MADD: variants seen among roughly 807,000 people sequenced by gnomAD.
The protein encoded by MADD is MAP kinase-activating death domain protein.
A neutral mutation model predicts 176.7 loss-of-function variants in MADD; 109 were observed. The ratio of observed to expected loss-of-function variants is 0.62; its 90% CI spans 0.53 to 0.72. The LOEUF (loss-of-function observed/expected upper bound fraction) is 0.72. Ranked by LOEUF, MADD falls within the 30% of genes least tolerant of loss-of-function variation. The pLI is 0.00. For synonymous variants in MADD, 771 were observed against 771.3 expected (o/e 1.00, Z 0.01); for missense variants, 1,914 against 2,045.5 (o/e 0.94, Z 1.24).
intron 22 of MADD, among the ~76,000 whole-genome samples, chr11:47,300,486 G>A (rs893989572): frequency 4.7e-5 from 7 of 149,308 alleles, no homozygotes; most frequent in Admixed American, 2.7e-4. Flanking sequence ...GATTACAGGC[G>A]TGAGCCACTG....
At chr11:47,315,832 CTTT>C (rs138135047) in intron 27 of MADD, among the ~76,000 whole-genome samples, 36,583 of 128,390 alleles carry the variant, frequency 0.28, 5,373 homozygotes, top group East Asian at 0.59. Context: ...ATACCCATTT[CTTT>C]TTTTTTTTTT....
At chr11:47,308,106 G>T (rs900194733) in intron 22 of MADD, among the ~76,000 whole-genome samples, 5 of 152,232 alleles carry the variant, frequency 3.3e-5, no homozygotes, top group African/African-American at 1.2e-4. Flanking sequence ...GCACTGTTAG[G>T]TGCCTTATAT....
chr11:47,304,799 T>G (rs935990540), intron 22 of MADD, among the ~76,000 whole-genome samples: 1 of 152,242 alleles, frequency 6.6e-6, no homozygotes, highest in African/African-American at 2.4e-5. Context: ...TGGAGTCATA[T>G]GTCCTTGTTT....
chr11:47,321,339 T>G (rs2094442100), intron 27 of MADD, among the ~76,000 whole-genome samples: 1 of 152,256 alleles, frequency 6.6e-6, no homozygotes, highest in Non-Finnish European at 1.5e-5. Context: ...CCACTTTGAC[T>G]GATTCTTCAA....
chr11:47,324,882 T>A, intron 30 of MADD: 3 of 606,738 alleles, frequency 4.9e-6, no homozygotes, highest in South Asian at 3.9e-5. Context: ...CACTTGGCCC[T>A]TCCCCTGCAG....
chr11:47,273,650 C>T (rs370761693), intron 1 of MADD, among the ~76,000 whole-genome samples, 177 bp from the exon 2 acceptor site: 1 of 152,150 alleles, frequency 6.6e-6, no homozygotes, highest in African/African-American at 2.4e-5. Context: ...TATTTTTTAA[C>T]ATTCGATTCT....
At chr11:47,288,687 C>T (rs1231168829) in intron 15 of MADD, among the ~76,000 whole-genome samples, 1 of 152,164 alleles carries the variant, frequency 6.6e-6, no homozygotes, top group East Asian at 1.9e-4. Flanking sequence ...TGAAAACCAG[C>T]GGTCCCTGTT....
rs1296236775 is a variant in MADD at position 47,325,066 on chromosome 11, GT to G, written c.4542+492del. The G allele has an allele frequency of 7.2e-5, 25 of 347,104 alleles. No homozygotes were observed. In the East Asian group the frequency reaches 1.3e-3, roughly 18 times the overall value. The allele number at this position is 347,104 out of a possible 1,614,324, so 21.5% of individuals were successfully genotyped here. A position where few individuals can be genotyped will look rare whatever the true frequency, so the allele number is the denominator to read the frequency against. On this transcript the variant is annotated intron_variant, in intron 30 of 32. Coordinates refer to ENST00000402192, the Ensembl canonical transcript of MADD. The surrounding 1 kb of genome is among the most constrained non-coding windows in gnomAD (Gnocchi z 4.5). Reference sequence around the variant, plus strand: ...CTTGTATCTGTCCTCTCTGGAGTGTGTTTATTTGCCTTTTTCTTCTGCGGAT... The same window carrying G: ...CTTGTATCTGTCCTCTCTGGAGTGTGTTATTTGCCTTTTTCTTCTGCGGAT...
chr11:47,286,418 C>T lies in MADD; in HGVS notation c.2552-15C>T, dbSNP rs1391807987. The T allele has an allele frequency of 6.3e-7, 1 of 1,585,472 alleles. No individual in the cohort carries two copies. The highest frequency in any genetic ancestry group is 1.3e-5 in the African/African-American group (1 of 74,460). ...ACTCTGCCAAGTCATCGCTCTTGCA[C>T]CCTCCCCTTGATAGGCAGCCTCTAT... On this transcript the variant is annotated splice_polypyrimidine_tract_variant and intron_variant, in intron 14 of 32. Coordinates refer to ENST00000402192, the Ensembl canonical transcript of MADD.
chr11:47,328,800 G>C, intron 32 of MADD, 96 bp downstream of exon 36: 1 of 1,506,370 alleles, frequency 6.6e-7, no homozygotes, highest in Non-Finnish European at 9.1e-7. Context: ...AGCGCACAGG[G>C]GTGAGTGGGG....
intron 27 of MADD, among the ~76,000 whole-genome samples, chr11:47,317,036 G>A (rs1198209258): frequency 2.0e-5 from 3 of 152,132 alleles, no homozygotes; most frequent in Non-Finnish European, 2.9e-5. Context: ...GAGCCACCCC[G>A]CCTGGCCTAT....
chr11:47,296,002 G>A lies in MADD; in HGVS notation c.3589G>A (p.Gly1197Ser). ...CAGTGTTCACCTGGCAAGCTCTCGG[G>A]GCACTTTGTCTGATAGTGAAATTGA... The change falls in exon 22 of 33, where the codon GGC becomes AGC. Residue 1197 changes from glycine (G) to serine (S), a missense_variant. Gly to Ser is a moderately conservative substitution (Grantham distance 56). This residue lies in a region of MADD where 1,767 missense variants were observed against 1,836.0 expected (regional missense o/e 0.96). Transcript: ENST00000402192. 1.2e-6 allele frequency: 2 copies of A among 1,614,096 alleles called. No homozygotes were observed. The highest frequency in any genetic ancestry group is 4.5e-5 in the East Asian group (2 of 44,876).
At chr11:47,269,845 T>A (rs1413835018), upstream of MADD, 1 of 152,124 alleles carries the variant, frequency 6.6e-6, no homozygotes, top group Non-Finnish European at 1.5e-5. Flanking sequence ...AATCCCCATG[T>A]CGTCGAAACG....
Position 47,324,279 on chromosome 11 carries a change from C to A in MADD, c.4377C>A (p.Tyr1459Ter). Residue 1459 changes from tyrosine (Y) to a stop codon, truncating the protein, a stop_gained, in exon 29 of 33, where the codon TAC (tyrosine) becomes TAA (stop). Transcript: ENST00000402192. LOFTEE classifies it high-confidence loss of function. ...CTGTGCCACAGTGTCGGGAGCTGTA[C>A]TACTGTGTGAAGGACAGCATGGAGC... The A allele has an allele frequency of 6.2e-7, 1 of 1,614,194 alleles. No homozygotes were observed. Among genetic ancestry groups the A allele is most frequent in the African/African-American group, 1.3e-5 (1 of 75,072 alleles).
At chr11:47,287,782 A>ATTTTTT (rs57417064) in intron 15 of MADD, among the ~76,000 whole-genome samples, 14 of 55,046 alleles carry the variant, frequency 2.5e-4, no homozygotes, top group East Asian at 5.6e-4. Context: ...AGAAACATGT[A>ATTTTTT]TTTTTTTTTT....
intron 2 of MADD, 73 bp downstream of exon 2, chr11:47,274,049 G>C: frequency 7.4e-7 from 1 of 1,356,054 alleles, no homozygotes; most frequent in Non-Finnish European, 1.0e-6. Flanking sequence ...TCCCTTCTCC[G>C]ATTTCCATGT....
rs11039180 is a variant in MADD at position 47,324,453 on chromosome 11, C to T, written c.4436-18C>T. The T allele has an allele frequency of 3.5e-4, 562 of 1,605,146 alleles. 7 individuals carry two copies. The East Asian group carries it at 5.6e-3, about 16-fold the overall frequency. On this transcript the variant is annotated intron_variant, in intron 29 of 32. Transcript: ENST00000402192. Reference sequence around the variant, plus strand: ...CCCCACCTCACCAGTGAGCTGATAGCCCCCTCCCTCACCACAGGACCTGAA... The same window carrying T: ...CCCCACCTCACCAGTGAGCTGATAGTCCCCTCCCTCACCACAGGACCTGAA...
At chr11:47,276,383 A>G (rs534052766) in intron 4 of MADD, among the ~76,000 whole-genome samples, 181 bp downstream of exon 4, 182 of 152,356 alleles carry the variant, frequency 1.2e-3, no homozygotes, top group Non-Finnish European at 2.3e-3. Context: ...AGATACTGGT[A>G]TCATGTGGGA....
At chr11:47,324,438 C>A (rs1399262719) in intron 29 of MADD, 33 bp from the exon 33 acceptor site, 14 of 1,597,468 alleles carry the variant, frequency 8.8e-6, no homozygotes, top group Non-Finnish European at 1.2e-5. Flanking sequence ...CCCCACCTCA[C>A]CAGTGAGCTG....
Sources: allele counts gnomAD v4.1 joint callset (sites outside exome capture counted in the v4.1 genomes callset), GRCh38; gene constraint gnomAD v4.1.1; regional missense constraint gnomAD v4.1.1; non-coding constraint Gnocchi (gnomAD v3.1); transcripts MANE v1.5; gene names NCBI Gene and HGNC (gene_info 2026-07-23, HGNC 2026-07-21).